Variants in KLF15 observed in about 807,000 individuals in gnomAD.
KLF15 encodes the protein Krueppel-like factor 15.
KLF15 carries 4 observed loss-of-function variants against 24.6 expected under a neutral mutation model. The ratio of observed to expected loss-of-function variants is 0.16; its 90% CI spans 0.08 to 0.37. The LOEUF is 0.37. Among genes scored for constraint, KLF15 ranks in the 10% least tolerant of loss-of-function variants. The pLI is 1.00. For synonymous variants in KLF15, 246 were observed against 236.3 expected, an observed-to-expected ratio of 1.04 and a Z score of -0.37; for missense variants, 496 against 560.6, an observed-to-expected ratio of 0.88 and a Z score of 1.16.
chr3:126,339,856 C>G (rs2082467212), downstream of KLF15, among the ~76,000 whole-genome samples: 1 of 152,244 alleles, frequency 6.6e-6, no homozygotes. Flanking sequence ...GGTTTGCTGT[C>G]TGCAGGAGTC....
the KLF15 span, among the ~76,000 whole-genome samples, chr3:126,309,247 C>T: frequency 5.6e-4 from 86 of 152,344 alleles, no homozygotes; most frequent in South Asian, 7.9e-3. Flanking sequence ...TGAGTGGAGC[C>T]TCTGAGAGGA....
At chr3:126,316,536 T>TGGGCCGGAGTAGGGGAGGGAGCACAC in the KLF15 span, among the ~76,000 whole-genome samples, 1 of 112,180 alleles carries the variant, frequency 8.9e-6, no homozygotes, top group South Asian at 3.2e-4. Flanking sequence ...AGGGAGTACA[T>TGGGCCGGAGTAGGGGAGGGAGCACAC]GGGCCGGAGT....
At chr3:126,324,179 C>T in the KLF15 span, among the ~76,000 whole-genome samples, 1 of 85,680 alleles carries the variant, frequency 1.2e-5, no homozygotes, top group Non-Finnish European at 2.3e-5. Flanking sequence ...AATTTACACT[C>T]CCACCAACAG....
At chr3:126,308,322 G>A in the KLF15 span, among the ~76,000 whole-genome samples, 1 of 152,224 alleles carries the variant, frequency 6.6e-6, no homozygotes, top group Non-Finnish European at 1.5e-5. Flanking sequence ...CCAAGATGGG[G>A]AGGCAGGGCC....
the KLF15 span, among the ~76,000 whole-genome samples, chr3:126,298,272 C>T: frequency 1.5e-3 from 217 of 148,006 alleles, 1 homozygote; most frequent in African/African-American, 5.1e-3. Context: ...CTATTCATGT[C>T]CTTAGCCCAC....
chr3:126,306,820 C>G, the KLF15 span, among the ~76,000 whole-genome samples: 1 of 152,216 alleles, frequency 6.6e-6, no homozygotes. Flanking sequence ...TGGTCTCTTC[C>G]TCCATGGCTT....
downstream of KLF15, among the ~76,000 whole-genome samples, chr3:126,341,352 T>C (rs1409145056): frequency 1.3e-5 from 2 of 152,206 alleles, no homozygotes; most frequent in Non-Finnish European, 2.9e-5. Context: ...AAGGTGCATA[T>C]GCTCCCGAGG....
chr3:126,323,306 A>G, the KLF15 span, among the ~76,000 whole-genome samples: 1 of 145,544 alleles, frequency 6.9e-6, no homozygotes, highest in Non-Finnish European at 1.5e-5. Context: ...TTTTTTTCTT[A>G]GTAAATTGAA....
At chr3:126,326,632 C>T in the KLF15 span, among the ~76,000 whole-genome samples, 3 of 152,286 alleles carry the variant, frequency 2.0e-5, no homozygotes, top group South Asian at 4.1e-4. Context: ...ACACCCTGAA[C>T]GAATCTGTGC....
At chr3:126,311,519 G>A in the KLF15 span, among the ~76,000 whole-genome samples, 3 of 152,154 alleles carry the variant, frequency 2.0e-5, no homozygotes, top group South Asian at 4.1e-4. Context: ...GCTTGAGATG[G>A]GACAACCTGG....
chr3:126,305,878 C>G, the KLF15 span, among the ~76,000 whole-genome samples: 51 of 152,336 alleles, frequency 3.3e-4, 1 homozygote, highest in African/African-American at 1.2e-3. Context: ...TTTAGACTGT[C>G]TTTGTGATTC....
At chr3:126,328,827 C>A in the KLF15 span, among the ~76,000 whole-genome samples, 1 of 152,272 alleles carries the variant, frequency 6.6e-6, no homozygotes, top group Non-Finnish European at 1.5e-5. Flanking sequence ...TTCTCATGTG[C>A]CTACTTGCCA....
chr3:126,339,733 G>A (rs900076538), downstream of KLF15, among the ~76,000 whole-genome samples: 1 of 152,090 alleles, frequency 6.6e-6, no homozygotes, highest in Admixed American at 6.5e-5. Flanking sequence ...CAATTTTCCT[G>A]GAAGCCCTGG....
chr3:126,314,063 T>C, the KLF15 span, among the ~76,000 whole-genome samples: 2 of 152,104 alleles, frequency 1.3e-5, no homozygotes, highest in African/African-American at 4.8e-5. Context: ...GCCTAAAATA[T>C]CTATTATCTT....
chr3:126,312,111 C>T, the KLF15 span, among the ~76,000 whole-genome samples: 1 of 152,212 alleles, frequency 6.6e-6, no homozygotes, highest in Non-Finnish European at 1.5e-5. Flanking sequence ...TGGCATCAGA[C>T]TCCAGTGTGC....
chr3:126,300,278 C>A, the KLF15 span, among the ~76,000 whole-genome samples: 2 of 152,180 alleles, frequency 1.3e-5, no homozygotes, highest in Non-Finnish European at 2.9e-5. Flanking sequence ...CTGGCCTCTG[C>A]CCTCCCTTCC....
downstream of KLF15, among the ~76,000 whole-genome samples, chr3:126,341,643 C>T (rs11711221): frequency 0.015 from 2,241 of 152,228 alleles, 23 homozygotes; most frequent in Non-Finnish European, 0.023. Context: ...GTGTGCTGGG[C>T]GGCTGGTGAG....
At chr3:126,315,653 G>C in the KLF15 span, among the ~76,000 whole-genome samples, 949 of 152,268 alleles carry the variant, frequency 6.2e-3, 8 homozygotes, top group African/African-American at 0.022. Flanking sequence ...TGCTGTCTCC[G>C]GCTGCATCTT....
chr3:126,331,968 C>T, the KLF15 span, among the ~76,000 whole-genome samples: 1 of 152,228 alleles, frequency 6.6e-6, no homozygotes, highest in Non-Finnish European at 1.5e-5. Context: ...TGAGATCAAA[C>T]TGCAAGGCGC....
Sources: gnomAD v4.1 joint callset for allele counts (sites outside exome capture counted in the v4.1 genomes callset) on GRCh38, gnomAD v4.1.1 for gene constraint, MANE v1.5 for transcripts, NCBI Gene and HGNC (gene_info 2026-07-23, HGNC 2026-07-21) for gene names.